TLCD4: variants seen among roughly 807,000 people sequenced by gnomAD.
TLCD4 encodes TLC domain containing 4.
Under a neutral mutation model 24.2 loss-of-function variants are expected in TLCD4, and 7 were observed. The ratio of observed to expected loss-of-function variants is 0.29; its 90% CI spans 0.16 to 0.54. The LOEUF (loss-of-function observed/expected upper bound fraction) is 0.54. TLCD4 is among the 20% of genes least tolerant of loss of function. The pLI is 0.95. For missense variants in TLCD4, 259 were observed against 313.9 expected, an observed-to-expected ratio of 0.82 and a Z score of 1.32; for synonymous variants, 103 against 106.4, an observed-to-expected ratio of 0.97 and a Z score of 0.20.
chr1:95,115,608 A>G (rs1676414866), upstream of TLCD4, among the ~76,000 whole-genome samples: 1 of 152,216 alleles, frequency 6.6e-6, no homozygotes, highest in South Asian at 2.1e-4. Flanking sequence ...TACAATCTCA[A>G]AAACAATCTT....
chr1:95,150,997 T>C (rs959149795), intron 4 of TLCD4, among the ~76,000 whole-genome samples: 6 of 152,166 alleles, frequency 3.9e-5, no homozygotes, highest in African/African-American at 1.4e-4. Flanking sequence ...CAAAAGTAAT[T>C]GCAGTTTTTG....
At chr1:95,188,161 G>A (rs887846091) in intron 6 of TLCD4, among the ~76,000 whole-genome samples, 1 of 152,122 alleles carries the variant, frequency 6.6e-6, no homozygotes, top group African/African-American at 2.4e-5. Context: ...GCCGAGGCGG[G>A]TGGATCACAA....
chr1:95,177,952 T>TTTTTTTTTTTTTTTTTTTTTG (rs1557695931), intron 6 of TLCD4, among the ~76,000 whole-genome samples: 1 of 92,354 alleles, frequency 1.1e-5, no homozygotes. Flanking sequence ...TTTTTTTTTG[T>TTTTTTTTTTTTTTTTTTTTTG]TTTTTTTTGT....
chr1:95,095,580 G>C, the TLCD4 span, among the ~76,000 whole-genome samples: 1 of 152,012 alleles, frequency 6.6e-6, no homozygotes, highest in African/African-American at 2.4e-5. Flanking sequence ...TGTATTTTTA[G>C]TAGAGACAGG....
At chr1:95,177,685 G>A (rs1327171838) in intron 6 of TLCD4, among the ~76,000 whole-genome samples, 1 of 152,086 alleles carries the variant, frequency 6.6e-6, no homozygotes, top group Non-Finnish European at 1.5e-5. Flanking sequence ...AGCTCTCTTG[G>A]TGATAAAACA....
intron 1 of TLCD4, chr1:95,125,520 G>A (rs1377404088): frequency 6.6e-6 from 1 of 152,206 alleles, no homozygotes; most frequent in Non-Finnish European, 1.5e-5. Context: ...TTTAAGACTA[G>A]TCAAGAGGAG....
rs1282095464 is a variant in TLCD4, at chr1:95,191,792, A to G, written c.716A>G (p.Lys239Arg). The G allele has an allele frequency of 6.2e-7, 1 of 1,614,048 alleles. No homozygotes were observed. Among genetic ancestry groups the G allele is most frequent in the Admixed American group, 1.7e-5 (1 of 60,008 alleles). The change falls in exon 7 of 7, where the codon AAA becomes AGA. Residue 239 changes from lysine to arginine, a missense_variant. Physicochemically the swap from Lys to Arg is conservative, Grantham distance 26. Transcript: ENST00000370203. Reference sequence around the variant, plus strand: ...GTCATGTGGATGATCAAAATTTCAAAAGGTTGCATCAAAGTCATCTCTCAC... The same window carrying G: ...GTCATGTGGATGATCAAAATTTCAAGAGGTTGCATCAAAGTCATCTCTCAC... ...MNVMWMIKIS[K>R]GCIKVISHIR...
intron 5 of TLCD4, among the ~76,000 whole-genome samples, chr1:95,157,803 T>G (rs930897617): frequency 3.3e-5 from 5 of 152,218 alleles, no homozygotes; most frequent in Non-Finnish European, 7.3e-5. Flanking sequence ...GCAAGACTTC[T>G]TAGGACCTGG....
At chr1:95,155,321 A>G (rs900162040) in intron 5 of TLCD4, among the ~76,000 whole-genome samples, 1 of 152,130 alleles carries the variant, frequency 6.6e-6, no homozygotes. Flanking sequence ...TGCAGAGGCC[A>G]TGGCAAATGT....
the TLCD4 span, among the ~76,000 whole-genome samples, chr1:95,101,196 C>T: frequency 6.6e-6 from 1 of 152,094 alleles, no homozygotes; most frequent in Non-Finnish European, 1.5e-5. Context: ...CGTGAGCCAC[C>T]GTGCCTGGCC....
intron 5 of TLCD4, among the ~76,000 whole-genome samples, chr1:95,167,024 T>C (rs903978413): frequency 6.6e-6 from 1 of 152,206 alleles, no homozygotes; most frequent in African/African-American, 2.4e-5. Flanking sequence ...CATGAGCCAC[T>C]GTACCTAGTT....
intron 1 of TLCD4, among the ~76,000 whole-genome samples, chr1:95,122,313 T>C (rs757031758): frequency 6.6e-6 from 1 of 152,190 alleles, no homozygotes; most frequent in Non-Finnish European, 1.5e-5. Flanking sequence ...GAGCCGAGAT[T>C]GTGTCACTGC....
chr1:95,111,448 T>C, the TLCD4 span, among the ~76,000 whole-genome samples: 1 of 152,244 alleles, frequency 6.6e-6, no homozygotes, highest in Non-Finnish European at 1.5e-5. Context: ...TGTTTAATTA[T>C]GGAACGACCA....
chr1:95,163,707 G>A (rs1677909998), intron 5 of TLCD4: 1 of 152,250 alleles, frequency 6.6e-6, no homozygotes, highest in Non-Finnish European at 1.5e-5. Context: ...CTTTCTGTTT[G>A]TTAGTTTTCC....
intron 5 of TLCD4, among the ~76,000 whole-genome samples, chr1:95,171,962 A>T (rs751917560): frequency 1.6e-4 from 25 of 152,150 alleles, no homozygotes; most frequent in Non-Finnish European, 3.2e-4. Context: ...GAAAAGGGGA[A>T]ATTTGGACAG....
At chr1:95,176,861 A>G (rs1452092513) in intron 6 of TLCD4, among the ~76,000 whole-genome samples, 3 of 152,290 alleles carry the variant, frequency 2.0e-5, no homozygotes, top group Non-Finnish European at 4.4e-5. Context: ...GAATGTGGAT[A>G]TGTAGTTTTT....
intron 6 of TLCD4, among the ~76,000 whole-genome samples, chr1:95,181,141 T>A (rs1678625426): frequency 6.6e-6 from 1 of 152,100 alleles, no homozygotes; most frequent in Non-Finnish European, 1.5e-5. Flanking sequence ...TTAACAGTAA[T>A]GTTCCATGTT....
In TLCD4 at chr1:95,197,086, A is replaced by G. The variant is rs1449011194; in HGVS notation, c.*5218A>G. The G allele has an allele frequency of 6.6e-6, 1 of 152,126 alleles. No individual in the cohort carries two copies. Among genetic ancestry groups the G allele is most frequent in the Non-Finnish European group, 1.5e-5 (1 of 68,012 alleles). The allele number at this position is 152,126 out of a possible 1,614,324, so 9.4% of individuals were successfully genotyped here. Reference sequence around the variant, plus strand: ...ATATACTTTTTTCTGAGAATGTATAATATATAATTGTCAAAGATTTTTGGA... The same window carrying G: ...ATATACTTTTTTCTGAGAATGTATAGTATATAATTGTCAAAGATTTTTGGA... On this transcript the variant is annotated 3_prime_UTR_variant, in exon 7 of 7. Coordinates refer to ENST00000370203, the MANE Select transcript of TLCD4 (RefSeq NM_152487.3).
At chr1:95,156,345 G>A in intron 5 of TLCD4, among the ~76,000 whole-genome samples, 1 of 152,116 alleles carries the variant, frequency 6.6e-6, no homozygotes. Context: ...GGGTGATACT[G>A]AGGACTTGGG....
Sources: gnomAD v4.1 joint callset for allele counts (sites outside exome capture counted in the v4.1 genomes callset) on GRCh38, gnomAD v4.1.1 for gene constraint, MANE v1.5 for transcripts, NCBI Gene and HGNC (gene_info 2026-07-23, HGNC 2026-07-21) for gene names.